The following GRID1 variants were observed in gnomAD, a reference collection of about 807,000 sequenced individuals.
The protein encoded by GRID1 is glutamate receptor ionotropic, delta-1.
Under a neutral mutation model 98.0 loss-of-function variants are expected in GRID1, and 28 were observed. That is an observed-to-expected ratio of 0.29 (90% confidence interval 0.21 to 0.39). The LOEUF (loss-of-function observed/expected upper bound fraction) is 0.39, where lower values mean the gene tolerates loss of function less well. Ranked by LOEUF, GRID1 falls within the 10% of genes least tolerant of loss-of-function variation. GRID1 has a pLI of 1.00. For synonymous variants in GRID1, 553 were observed against 538.5 expected, an observed-to-expected ratio of 1.03 and a Z score of -0.37; for missense variants, 1,111 against 1,340.5, an observed-to-expected ratio of 0.83 and a Z score of 2.67.
chr10:86,114,956 C>T (rs1365510276), intron 4 of GRID1, among the ~76,000 whole-genome samples: 5 of 152,186 alleles, frequency 3.3e-5, no homozygotes, highest in Non-Finnish European at 7.3e-5. Context: ...CACCTCTCTC[C>T]CTGCCTGCTC....
In GRID1 at chr10:86,336,222, C is replaced by T. The variant is rs116139896; in HGVS notation, c.235+27719G>A. ...GAAGGAGATTGTTTCACAGTGTTTG[C>T]AATAAAATGTACACAATAACACATA... On this transcript the variant is annotated intron_variant, in intron 2 of 15. Transcript: ENST00000327946. Among the ~76,000 whole-genome samples the T allele has an allele frequency of 5.7e-3, 861 of 152,304 alleles. 8 individuals carry two copies. The highest frequency in any genetic ancestry group is 0.02 in the African/African-American group (816 of 41,556).
chr10:86,339,496 G>A (rs1431885930), intron 2 of GRID1, among the ~76,000 whole-genome samples: 1 of 152,274 alleles, frequency 6.6e-6, no homozygotes, highest in Non-Finnish European at 1.5e-5. Context: ...GGGCTAGGCA[G>A]GCAGAACCAC....
At chr10:85,694,866 A>G (rs1325993978) in intron 12 of GRID1, among the ~76,000 whole-genome samples, 2 of 151,882 alleles carry the variant, frequency 1.3e-5, no homozygotes, top group Non-Finnish European at 2.9e-5. Context: ...TACAATGTAC[A>G]TTATTTGAGT....
At chr10:85,892,730 A>G (rs1841222730) in intron 5 of GRID1, among the ~76,000 whole-genome samples, 1 of 152,110 alleles carries the variant, frequency 6.6e-6, no homozygotes, top group South Asian at 2.1e-4. Context: ...GGGTATTCAG[A>G]GGAACCTTTT....
chr10:85,787,994 C>T (rs1469146029), intron 8 of GRID1, among the ~76,000 whole-genome samples: 2 of 151,480 alleles, frequency 1.3e-5, no homozygotes, highest in Non-Finnish European at 2.9e-5. Context: ...CTGCAAAATA[C>T]TGAGCACATC....
At chr10:86,141,177 G>A (rs1024617322) in intron 3 of GRID1, among the ~76,000 whole-genome samples, 1 of 151,994 alleles carries the variant, frequency 6.6e-6, no homozygotes, top group African/African-American at 2.4e-5. Flanking sequence ...GCCAACTGAG[G>A]ACAATATGGT....
intron 3 of GRID1, among the ~76,000 whole-genome samples, chr10:86,145,356 G>A (rs1424990702): frequency 6.6e-6 from 1 of 152,148 alleles, no homozygotes; most frequent in Non-Finnish European, 1.5e-5. Flanking sequence ...CGGAGTAGCT[G>A]GGATTACAGA....
intron 5 of GRID1, among the ~76,000 whole-genome samples, chr10:85,909,494 C>G (rs901604076): frequency 6.6e-6 from 1 of 152,124 alleles, no homozygotes; most frequent in African/African-American, 2.4e-5. Context: ...CTAAAACAAC[C>G]CAAATGTCCA....
At chr10:86,130,364 G>C (rs956628297) in intron 4 of GRID1, among the ~76,000 whole-genome samples, 1 of 152,212 alleles carries the variant, frequency 6.6e-6, no homozygotes, top group Non-Finnish European at 1.5e-5. Context: ...CCACCCTCAA[G>C]CCTGGAAACT....
chr10:86,061,754 C>T (rs1843652104), intron 4 of GRID1, among the ~76,000 whole-genome samples: 1 of 152,198 alleles, frequency 6.6e-6, no homozygotes, highest in Non-Finnish European at 1.5e-5. Flanking sequence ...TGCAGGAATC[C>T]ACCTGGAGTG....
intron 3 of GRID1, among the ~76,000 whole-genome samples, chr10:86,144,781 CT>C (rs1007061044): frequency 2.6e-5 from 4 of 152,208 alleles, no homozygotes; most frequent in Admixed American, 1.3e-4. Context: ...AGGTTTCCCC[CT>C]GGTACCACCT....
chr10:85,820,330 T>C (rs1026179601), intron 8 of GRID1, among the ~76,000 whole-genome samples: 4 of 152,144 alleles, frequency 2.6e-5, no homozygotes, highest in African/African-American at 9.7e-5. Flanking sequence ...CTAACTGCTA[T>C]GTGGATTCCT....
intron 3 of GRID1, among the ~76,000 whole-genome samples, chr10:86,172,417 A>T (rs975931143): frequency 3.3e-5 from 5 of 152,122 alleles, no homozygotes; most frequent in African/African-American, 1.2e-4. Context: ...CTTTATCATC[A>T]TTTTGCAGAT....
intron 2 of GRID1, among the ~76,000 whole-genome samples, chr10:86,301,641 G>C (rs1388855960): frequency 6.6e-6 from 1 of 152,186 alleles, no homozygotes; most frequent in East Asian, 1.9e-4. Flanking sequence ...GGACCCCCAA[G>C]GCCCGAGAAT....
intron 15 of GRID1, among the ~76,000 whole-genome samples, chr10:85,608,211 G>A (rs2664401): frequency 0.35 from 52,929 of 151,898 alleles, 9,352 homozygotes; most frequent in Middle Eastern, 0.52. Flanking sequence ...CATTACCCCC[G>A]TAGCTCCTTA....
At chr10:86,057,928 C>T (rs60408418) in intron 4 of GRID1, among the ~76,000 whole-genome samples, 8,286 of 152,252 alleles carry the variant, frequency 0.054, 276 homozygotes, top group Middle Eastern at 0.12. Context: ...GCCAGGCATG[C>T]GGTGTGCGCT....
At chr10:85,828,393 AG>A (rs1398042371) in intron 8 of GRID1, among the ~76,000 whole-genome samples, 1 of 150,850 alleles carries the variant, frequency 6.6e-6, no homozygotes, top group African/African-American at 2.4e-5. Flanking sequence ...AGAAAAGAAA[AG>A]AGATCAAAAC....
intron 8 of GRID1, among the ~76,000 whole-genome samples, chr10:85,821,430 T>C (rs1272925994): frequency 3.0e-5 from 4 of 131,458 alleles, no homozygotes; most frequent in Non-Finnish European, 4.6e-5. Flanking sequence ...GGCAGAAGAA[T>C]CACTTGAACC....
chr10:86,202,296 C>T (rs573008965), intron 3 of GRID1, among the ~76,000 whole-genome samples: 40 of 152,332 alleles, frequency 2.6e-4, no homozygotes, highest in African/African-American at 5.8e-4. Context: ...ACCTGGCATG[C>T]GGTAGGGATT....
Sources: gnomAD v4.1 joint callset for allele counts (sites outside exome capture counted in the v4.1 genomes callset) on GRCh38, gnomAD v4.1.1 for gene constraint, MANE v1.5 for transcripts, NCBI Gene and HGNC (gene_info 2026-07-23, HGNC 2026-07-21) for gene names.